ST8SIA1: variants seen among roughly 807,000 people sequenced by gnomAD.
ST8SIA1 encodes the protein ST8 alpha-N-acetyl-neuraminide alpha-2,8-sialyltransferase 1.
ST8SIA1 carries 16 observed loss-of-function variants against 35.9 expected under a neutral mutation model. The ratio of observed to expected loss-of-function variants is 0.45; its 90% confidence interval spans 0.30 to 0.68. The LOEUF is 0.68. Among genes scored for constraint, ST8SIA1 ranks in the 30% least tolerant of loss-of-function variants. The pLI is 0.09. For missense variants in ST8SIA1, 383 were observed against 453.6 expected (o/e 0.84, Z 1.41); for synonymous variants, 170 against 169.6 (o/e 1.00, Z -0.02).
At chr12:22,296,007 T>C (rs558529480) in intron 1 of ST8SIA1, among the ~76,000 whole-genome samples, 40 of 152,322 alleles carry the variant, frequency 2.6e-4, no homozygotes, top group Middle Eastern at 3.4e-3. Flanking sequence ...TCTGCTGTTC[T>C]TCAAGTGTCT....
intron 4 of ST8SIA1, among the ~76,000 whole-genome samples, chr12:22,242,101 CA>C (rs1484212743): frequency 6.6e-6 from 1 of 152,006 alleles, no homozygotes; most frequent in East Asian, 1.9e-4. Context: ...AACAAAGAAA[CA>C]TTTCCAAAAT....
chr12:22,287,089 T>C, intron 2 of ST8SIA1, 60 bp downstream of exon 2: 1 of 1,519,564 alleles, frequency 6.6e-7, no homozygotes, highest in Non-Finnish European at 8.9e-7. Context: ...CAATTATCCC[T>C]TTTCTATGAC....
intron 2 of ST8SIA1, among the ~76,000 whole-genome samples, chr12:22,261,013 G>A (rs1865784946): frequency 6.6e-6 from 1 of 150,942 alleles, no homozygotes; most frequent in African/African-American, 2.4e-5. Flanking sequence ...AACAGCTGGG[G>A]CTACAGGCAT....
rs1409521745 is a variant in ST8SIA1, at chr12:22,193,830, A to T, written c.*7722T>A. 1 of 152,144 alleles carries T rather than the reference A, an allele frequency of 6.6e-6. No homozygotes were observed. 9.4% of individuals were successfully genotyped at this position (152,144 alleles called of 1,614,324 possible). On this transcript the variant is annotated 3_prime_UTR_variant, in exon 5 of 5. Transcript: ENST00000396037. Reference sequence around the variant, plus strand: ...AATTTTTCCCAGAATTATTATATCCATGAACTAGTAGTCAGATTATATTAT... The same window carrying T: ...AATTTTTCCCAGAATTATTATATCCTTGAACTAGTAGTCAGATTATATTAT...
intron 4 of ST8SIA1, among the ~76,000 whole-genome samples, chr12:22,206,233 T>A (rs767730538): frequency 1.3e-5 from 2 of 152,160 alleles, no homozygotes; most frequent in Non-Finnish European, 2.9e-5. Context: ...CAGTGGATCC[T>A]GAATCTAGGT....
chr12:22,260,648 C>A (rs957249892), intron 2 of ST8SIA1, among the ~76,000 whole-genome samples: 3 of 152,034 alleles, frequency 2.0e-5, no homozygotes, highest in African/African-American at 4.8e-5. Flanking sequence ...TGATAAAAAA[C>A]CATTTGTTCC....
chr12:22,221,597 A>G (rs1355478485), intron 4 of ST8SIA1, among the ~76,000 whole-genome samples: 1 of 152,230 alleles, frequency 6.6e-6, no homozygotes, highest in African/African-American at 2.4e-5. Flanking sequence ...CCAATTCTTT[A>G]AATCATGTGC....
intron 4 of ST8SIA1, among the ~76,000 whole-genome samples, chr12:22,226,385 A>C (rs886746944): frequency 1.3e-5 from 2 of 152,226 alleles, no homozygotes; most frequent in African/African-American, 4.8e-5. Flanking sequence ...GTAAAAATTC[A>C]TCACAATATG....
chr12:22,278,260 T>C (rs1865994335), intron 2 of ST8SIA1, among the ~76,000 whole-genome samples: 1 of 152,228 alleles, frequency 6.6e-6, no homozygotes, highest in Non-Finnish European at 1.5e-5. Context: ...TTACATTAAA[T>C]TTTATAGTTT....
At chr12:22,247,020 C>G (rs1267302312) in intron 4 of ST8SIA1, among the ~76,000 whole-genome samples, 1 of 151,946 alleles carries the variant, frequency 6.6e-6, no homozygotes, top group Non-Finnish European at 1.5e-5. Context: ...AATTTTTGAC[C>G]CTGTCCTTCC....
chr12:22,316,526 T>C (rs1591855218), intron 1 of ST8SIA1, among the ~76,000 whole-genome samples: 1 of 152,206 alleles, frequency 6.6e-6, no homozygotes, highest in East Asian at 1.9e-4. Context: ...AGTTAAATCA[T>C]AAAAATACCA....
At chr12:22,259,813 A>G (rs1439835513) in intron 2 of ST8SIA1, among the ~76,000 whole-genome samples, 2 of 152,180 alleles carry the variant, frequency 1.3e-5, no homozygotes, top group African/African-American at 4.8e-5. Flanking sequence ...ACTCTCATTA[A>G]TACTCACAGA....
At position 22,310,504 on chromosome 12, in the gene ST8SIA1, G is replaced by C. The variant is rs137910984; in HGVS notation, c.237-23211C>G. On this transcript the variant is annotated intron_variant, in intron 1 of 4. Coordinates refer to ENST00000396037, the MANE Select transcript of ST8SIA1 (RefSeq NM_003034.4). ...GGGAAAATGCTCAATACAGTAACTC[G>C]ATTGCCTAGAGACCATATGTCCCCA... 3.0e-3 allele frequency among the ~76,000 whole-genome samples: 454 copies of C among 152,194 alleles called. 3 individuals are homozygous for C. Among genetic ancestry groups the C allele is most frequent in the Non-Finnish European group, 2.7e-3 (183 of 68,008 alleles).
chr12:22,286,818 C>T (rs1468120206), intron 2 of ST8SIA1, among the ~76,000 whole-genome samples: 2 of 152,156 alleles, frequency 1.3e-5, no homozygotes, highest in African/African-American at 4.8e-5. Context: ...TCCAGTATCA[C>T]ACAAATCCTC....
At chr12:22,219,049 C>A (rs1865266913) in intron 4 of ST8SIA1, among the ~76,000 whole-genome samples, 1 of 151,970 alleles carries the variant, frequency 6.6e-6, no homozygotes, top group South Asian at 2.1e-4. Context: ...TATTTTATGA[C>A]AAAGAACTTG....
In ST8SIA1 at chr12:22,319,959, A is replaced by G. The variant is rs117708368; in HGVS notation, c.236+14038T>C. ...CAAGACATTCACGGTAAGCCCCATA[A>G]AAAGGAGGTGAGGGGCTTGGGCATC... is the stretch of plus-strand genomic sequence containing the variant. On this transcript the variant is annotated intron_variant, in intron 1 of 4. Coordinates refer to ENST00000396037, the MANE Select transcript of ST8SIA1 (RefSeq NM_003034.4). Among the ~76,000 whole-genome samples, 54 of 152,272 alleles carry G rather than the reference A, an allele frequency of 3.5e-4. No individual in the cohort carries two copies. In the East Asian group the frequency reaches 0.01, roughly 29 times the overall value.
chr12:22,320,653 C>T (rs1276138765), intron 1 of ST8SIA1, among the ~76,000 whole-genome samples: 5 of 151,690 alleles, frequency 3.3e-5, no homozygotes, highest in African/African-American at 1.2e-4. Flanking sequence ...GAGACCAGCC[C>T]GGGCAACATA....
chr12:22,311,452 CA>C (rs1565593372), intron 1 of ST8SIA1, among the ~76,000 whole-genome samples: 1 of 152,120 alleles, frequency 6.6e-6, no homozygotes, highest in Non-Finnish European at 1.5e-5. Context: ...ACATCATTCC[CA>C]AACACCACAG....
chr12:22,282,563 CA>C (rs757213682), intron 2 of ST8SIA1, among the ~76,000 whole-genome samples: 7 of 152,152 alleles, frequency 4.6e-5, no homozygotes, highest in Non-Finnish European at 7.3e-5. Flanking sequence ...GTTCCTTGGC[CA>C]TCAGCTAAGG....
Sources: gnomAD v4.1 joint callset for allele counts (sites outside exome capture counted in the v4.1 genomes callset) on GRCh38, gnomAD v4.1.1 for gene constraint, MANE v1.5 for transcripts, NCBI Gene and HGNC (gene_info 2026-07-23, HGNC 2026-07-21) for gene names.